The following CD86 variants were observed in gnomAD, a reference collection of about 807,000 sequenced individuals.
The protein encoded by CD86 is T-lymphocyte activation antigen CD86.
CD86 carries 11 observed loss-of-function variants against 32.1 expected under a neutral mutation model. The ratio of observed to expected loss-of-function variants is 0.34; its 90% CI spans 0.22 to 0.57. The LOEUF is 0.57. CD86 is among the 20% of genes least tolerant of loss of function. The probability of loss-of-function intolerance (pLI) is 0.86; values close to 1 mark genes in which losing one functional copy is unlikely to be tolerated. For missense variants in CD86, 359 were observed against 398.4 expected (o/e 0.90, Z 0.84); for synonymous variants, 137 against 135.3 (o/e 1.01, Z -0.09).
At chr3:122,102,858 C>G (rs1576781520) in intron 2 of CD86, among the ~76,000 whole-genome samples, 1 of 143,754 alleles carries the variant, frequency 7.0e-6, no homozygotes, top group East Asian at 1.9e-4. Context: ...ATTTCTAAAG[C>G]ATTTGACATC....
intron 1 of CD86, among the ~76,000 whole-genome samples, chr3:122,062,738 T>C (rs550867693): frequency 1.9e-4 from 29 of 152,308 alleles, no homozygotes; most frequent in African/African-American, 7.0e-4. Context: ...TGAACTTCAG[T>C]GTCCTCTGTA....
intron 1 of CD86, among the ~76,000 whole-genome samples, chr3:122,083,464 C>A (rs1003842839): frequency 1.3e-5 from 2 of 152,174 alleles, no homozygotes; most frequent in African/African-American, 2.4e-5. Flanking sequence ...TTCCTGTCAA[C>A]TCCCAAGCCC....
intron 4 of CD86, among the ~76,000 whole-genome samples, chr3:122,107,535 CCT>C (rs1157013367): frequency 2.0e-5 from 3 of 152,148 alleles, no homozygotes; most frequent in Admixed American, 2.0e-4. Flanking sequence ...ATATTTGACT[CCT>C]CTTTTAAGAA....
chr3:122,072,898 G>C (rs554841257), intron 1 of CD86, among the ~76,000 whole-genome samples: 250 of 151,896 alleles, frequency 1.6e-3, no homozygotes, highest in African/African-American at 5.4e-3. Flanking sequence ...ATCTTGAATT[G>C]ATTTTTGTAT....
In CD86 at chr3:122,119,718, G is replaced by A. The variant is rs1559916602; in HGVS notation, c.*184G>A. The A allele has an allele frequency of 5.4e-6, 3 of 556,878 alleles. No individual in the cohort carries two copies. Among genetic ancestry groups the A allele is most frequent in the East Asian group, 3.2e-5 (1 of 31,556 alleles). The allele number at this position is 556,878 out of a possible 1,614,324, so 34.5% of individuals were successfully genotyped here. ...TCCAGCTCTGCTCCGTATGCCAAGA[G>A]GAGACTTTAATTCTCTTACTGCTTC... On this transcript the variant is annotated 3_prime_UTR_variant, in exon 7 of 7. Transcript: ENST00000330540.
chr3:122,094,312 A>G (rs2072873569), intron 2 of CD86, among the ~76,000 whole-genome samples: 1 of 152,218 alleles, frequency 6.6e-6, no homozygotes, highest in Non-Finnish European at 1.5e-5. Context: ...TTTGCCATTG[A>G]CACTTCTTAG....
chr3:122,115,996 C>A (rs1185373257), intron 5 of CD86, among the ~76,000 whole-genome samples: 1 of 151,888 alleles, frequency 6.6e-6, no homozygotes, highest in African/African-American at 2.4e-5. Context: ...AAAGTATGAA[C>A]CTAGACACAC....
rs181748813 is a variant in CD86 at position 122,103,717 on chromosome 3, G to A, written c.270G>A (p.Ser90=). The change falls in exon 3 of 7, where the codon TCG becomes TCA. Residue 90 remains serine, a synonymous_variant. Transcript: ENST00000330540. ...SKYMGRTSFD[S]DSWTLRLHNL... is the part of the protein sequence containing the mutation. ...ATATGGGCCGCACAAGTTTTGATTC[G>A]GACAGTTGGACCCTGAGACTTCACA... 609 of 1,614,002 alleles carry A rather than the reference G, an allele frequency of 3.8e-4. 2 individuals carry two copies. Among genetic ancestry groups the A allele is most frequent in the Middle Eastern group, 1.5e-3 (9 of 6,062 alleles).
rs145647440 is a variant in CD86, at chr3:122,101,599, C to G, written c.65-1913C>G. Among the ~76,000 whole-genome samples, 1,327 of 148,636 alleles carry G rather than the reference C, an allele frequency of 8.9e-3. 25 individuals carry two copies. Among genetic ancestry groups the G allele is most frequent in the African/African-American group, 0.032 (1,261 of 39,820 alleles). On this transcript the variant is annotated intron_variant, in intron 2 of 6. Coordinates refer to ENST00000330540, the MANE Select transcript of CD86 (RefSeq NM_175862.5). Reference sequence around the variant, plus strand: ...AAGTCATTTCCAGGTCCAGAAGGCACAACTGACAGCTGAGTAATAACATAA... The same window carrying G: ...AAGTCATTTCCAGGTCCAGAAGGCAGAACTGACAGCTGAGTAATAACATAA...
At chr3:122,094,515 A>T (rs895338411) in intron 2 of CD86, among the ~76,000 whole-genome samples, 1 of 152,222 alleles carries the variant, frequency 6.6e-6, no homozygotes, top group Non-Finnish European at 1.5e-5. Context: ...GATGAAAAGC[A>T]ACAAAAAATC....
chr3:122,091,862 C>A lies in CD86; in HGVS notation c.64+212C>A, dbSNP rs114959849. The A allele has an allele frequency of 4.4e-4, 242 of 555,654 alleles. 1 individual carries two copies. The highest frequency in any genetic ancestry group is 1.8e-3 in the South Asian group (82 of 44,352). The allele number at this position is 555,654 out of a possible 1,614,324, so 34.4% of individuals were successfully genotyped here. On this transcript the variant is annotated intron_variant, in intron 2 of 6. Transcript: ENST00000330540. ...AGGCAGCTGGGATGGAGCTCTCCCC[C>A]CCGTGTGCTTCTTCCTCCTCTGCAG...
chr3:122,115,548 A>C (rs551635804), intron 5 of CD86, among the ~76,000 whole-genome samples: 52 of 152,170 alleles, frequency 3.4e-4, no homozygotes, highest in African/African-American at 1.2e-3. Flanking sequence ...TACAATTGCC[A>C]AAACAATTCT....
In CD86 at chr3:122,120,942, G is replaced by A. The variant is rs1403861643; in HGVS notation, c.*1408G>A. On this transcript the variant is annotated 3_prime_UTR_variant, in exon 7 of 7. Transcript: ENST00000330540. ...TGCCCAAACATAAAGAGAACTCTGGGGAGCCTGAGCCACAAAAATGTTCCT... is the reference window on the plus strand; with the variant it reads ...TGCCCAAACATAAAGAGAACTCTGGAGAGCCTGAGCCACAAAAATGTTCCT... 6.6e-6 allele frequency: 1 copy of A among 152,186 alleles called. No homozygotes were observed. Among genetic ancestry groups the A allele is most frequent in the Non-Finnish European group, 1.5e-5 (1 of 68,042 alleles). 9.4% of individuals were successfully genotyped at this position (152,186 alleles called of 1,614,324 possible).
intron 1 of CD86, among the ~76,000 whole-genome samples, chr3:122,071,233 A>G (rs1267372529): frequency 6.6e-6 from 1 of 152,176 alleles, no homozygotes; most frequent in Non-Finnish European, 1.5e-5. Context: ...TTATAGTATC[A>G]TACAGAATAG....
chr3:122,067,513 C>T (rs1451342811), intron 1 of CD86, among the ~76,000 whole-genome samples: 1 of 152,212 alleles, frequency 6.6e-6, no homozygotes, highest in Non-Finnish European at 1.5e-5. Context: ...AAAACAAAAA[C>T]ACAGAAAATC....
intron 1 of CD86, among the ~76,000 whole-genome samples, chr3:122,085,308 T>C (rs116341554): frequency 0.017 from 2,660 of 152,314 alleles, 33 homozygotes; most frequent in Non-Finnish European, 0.028. Flanking sequence ...ATTTTGTAGT[T>C]CAGAAACTTT....
intron 5 of CD86, among the ~76,000 whole-genome samples, chr3:122,113,490 T>G (rs1448216594): frequency 5.9e-5 from 9 of 152,246 alleles, no homozygotes; most frequent in Admixed American, 5.9e-4. Flanking sequence ...ACATGTTCCC[T>G]TTTCACCACA....
chr3:122,086,563 C>G (rs779323336), intron 1 of CD86: 1 of 476,288 alleles, frequency 2.1e-6, no homozygotes, highest in Admixed American at 2.2e-5. Flanking sequence ...AGATGGTCCA[C>G]AGTAGTGTGC....
chr3:122,108,093 G>T (rs2073119151), intron 4 of CD86, among the ~76,000 whole-genome samples: 1 of 152,200 alleles, frequency 6.6e-6, no homozygotes, highest in South Asian at 2.1e-4. Context: ...ATTAACAGGG[G>T]CTTGCCACCA....
Sources: gnomAD v4.1 joint callset for allele counts (sites outside exome capture counted in the v4.1 genomes callset) on GRCh38, gnomAD v4.1.1 for gene constraint, MANE v1.5 for transcripts, NCBI Gene and HGNC (gene_info 2026-07-23, HGNC 2026-07-21) for gene names.